The following NAV3 variants were observed in gnomAD, a reference collection of about 807,000 sequenced individuals.
NAV3 encodes the protein neuron navigator 3.
NAV3 carries 87 observed loss-of-function variants against 244.7 expected under a neutral mutation model. That is an observed-to-expected ratio of 0.36 (90% CI 0.30 to 0.42). The LOEUF (loss-of-function observed/expected upper bound fraction) is 0.42, where lower values mean the gene tolerates loss of function less well. NAV3 is among the 20% of genes least tolerant of loss of function. NAV3 has a pLI of 1.00. For synonymous variants in NAV3, 1,126 were observed against 1,042.2 expected (o/e 1.08, Z -1.55); for missense variants, 2,663 against 2,893.3 (o/e 0.92, Z 1.83).
chr12:77,916,480 G>T (rs1887158938), intron 1 of NAV3, among the ~76,000 whole-genome samples: 2 of 151,888 alleles, frequency 1.3e-5, no homozygotes, highest in Non-Finnish European at 2.9e-5. Context: ...ACAGAGGAAA[G>T]GCTATTAGGC....
chr12:77,970,105 G>A (rs1045890547), intron 5 of NAV3, among the ~76,000 whole-genome samples: 8 of 152,072 alleles, frequency 5.3e-5, no homozygotes, highest in African/African-American at 1.7e-4. Context: ...CAATGACTGG[G>A]GTATTGGTTA....
chr12:77,836,769 A>G (rs1408364646), intron 1 of NAV3, among the ~76,000 whole-genome samples: 1 of 152,238 alleles, frequency 6.6e-6, no homozygotes, highest in African/African-American at 2.4e-5. Flanking sequence ...AAATAAAAGT[A>G]TAGACAAATT....
intron 23 of NAV3, among the ~76,000 whole-genome samples, chr12:78,160,284 A>G (rs1957472831): frequency 6.6e-6 from 1 of 152,052 alleles, no homozygotes; most frequent in African/African-American, 2.4e-5. Context: ...CTTTCCTGTG[A>G]TGACCAGTTA....
intron 18 of NAV3, among the ~76,000 whole-genome samples, chr12:78,135,057 G>A (rs1234361082): frequency 6.6e-6 from 1 of 152,134 alleles, no homozygotes; most frequent in Non-Finnish European, 1.5e-5. Context: ...GGTAGTGATT[G>A]GGTTATTTGC....
In NAV3 at chr12:77,831,211, GAGAGAGAA is replaced by G. The variant is rs1565834942; in HGVS notation, c.-243_-236del. 3 of 248,056 alleles carry G rather than the reference GAGAGAGAA, an allele frequency of 1.2e-5. No individual in the cohort carries two copies. The highest frequency in any genetic ancestry group is 1.8e-4 in the East Asian group (2 of 10,992). 15.4% of individuals were successfully genotyped at this position (248,056 alleles called of 1,614,324 possible). ...AGAGAGAGACAGAGAGAGAGAGAGA[GAGAGAGAA>G]AGAGAGAGAGAGAGAGAATGAGAAT... On this transcript the variant is annotated 5_prime_UTR_variant, in exon 1 of 40. Coordinates refer to ENST00000397909, the MANE Select transcript of NAV3 (RefSeq NM_001024383.2).
intron 2 of NAV3, among the ~76,000 whole-genome samples, chr12:77,757,476 G>A (rs190618661): frequency 1.3e-5 from 2 of 152,052 alleles, no homozygotes; most frequent in Non-Finnish European, 2.9e-5. Flanking sequence ...AACATATATT[G>A]AGTATATATT....
chr12:77,906,364 C>T (rs1885974546), intron 1 of NAV3, among the ~76,000 whole-genome samples: 1 of 152,012 alleles, frequency 6.6e-6, no homozygotes, highest in Non-Finnish European at 1.5e-5. Flanking sequence ...GCCAGCAGAT[C>T]GCCCTTAGGA....
intron 16 of NAV3, among the ~76,000 whole-genome samples, chr12:78,123,809 C>T (rs1036624623): frequency 6.6e-6 from 1 of 152,168 alleles, no homozygotes; most frequent in African/African-American, 2.4e-5. Context: ...CTATTATAGA[C>T]AGCATACGTA....
intron 2 of NAV3, among the ~76,000 whole-genome samples, chr12:77,747,507 A>G (rs1454920411): frequency 5.3e-5 from 8 of 152,202 alleles, no homozygotes; most frequent in Non-Finnish European, 1.2e-4. Flanking sequence ...TAGAAATACC[A>G]TTTGACCCAG....
chr12:77,968,798 C>T (rs17044634), intron 5 of NAV3, 96 bp downstream of exon 5: 81,764 of 1,180,352 alleles, frequency 0.069, 3,640 homozygotes, highest in East Asian at 0.18. Context: ...AAAACGTACT[C>T]ATGTGCTTGT....
At chr12:78,123,476 C>T (rs1955768216) in intron 16 of NAV3, among the ~76,000 whole-genome samples, 1 of 152,038 alleles carries the variant, frequency 6.6e-6, no homozygotes, top group Non-Finnish European at 1.5e-5. Flanking sequence ...CTGCATTACG[C>T]CAGTTTCCCT....
intron 5 of NAV3, among the ~76,000 whole-genome samples, chr12:77,977,710 G>GCACACA (rs1232771315): frequency 2.3e-5 from 2 of 86,116 alleles, no homozygotes; most frequent in African/African-American, 7.2e-5. Context: ...ACACACACAC[G>GCACACA]CGCACACACA....
intron 2 of NAV3, among the ~76,000 whole-genome samples, chr12:77,672,889 T>G (rs1482438995): frequency 6.6e-6 from 1 of 152,148 alleles, no homozygotes; most frequent in African/African-American, 2.4e-5. Context: ...TTTAAAACTA[T>G]ATGACTATTT....
At position 77,836,263 on chromosome 12, in the gene NAV3, G is replaced by A. The variant is rs568972787; in HGVS notation, c.243+4559G>A. On this transcript the variant is annotated intron_variant, in intron 1 of 39. Coordinates refer to ENST00000397909, the MANE Select transcript of NAV3 (RefSeq NM_001024383.2). The stretch of plus-strand genomic sequence containing the variant: ...ACATCCCTGTTCATGAAAGTTTCTT[G>A]GCCATACTTACTGTGGAGCACTTCC... Among the ~76,000 whole-genome samples, 4 of 152,230 alleles carry A rather than the reference G, an allele frequency of 2.6e-5. No homozygotes were observed. In the East Asian group the frequency reaches 5.8e-4, roughly 22 times the overall value.
At chr12:77,851,514 G>T (rs1201992544) in intron 1 of NAV3, among the ~76,000 whole-genome samples, 1 of 146,462 alleles carries the variant, frequency 6.8e-6, no homozygotes, top group African/African-American at 2.5e-5. Flanking sequence ...AGACTATTTT[G>T]TCACAATGAA....
chr12:77,959,973 C>G (rs1177527554), intron 3 of NAV3, among the ~76,000 whole-genome samples: 1 of 142,198 alleles, frequency 7.0e-6, no homozygotes, highest in African/African-American at 2.6e-5. Flanking sequence ...ATATAGCAGG[C>G]CAAATGCTAT....
At chr12:77,668,815 T>C (rs1353992707) in intron 2 of NAV3, among the ~76,000 whole-genome samples, 1 of 152,090 alleles carries the variant, frequency 6.6e-6, no homozygotes, top group Admixed American at 6.6e-5. Context: ...GGAAATTCAT[T>C]ACAAAAAGAT....
chr12:77,875,205 G>A (rs1477890170), intron 1 of NAV3, among the ~76,000 whole-genome samples: 1 of 151,960 alleles, frequency 6.6e-6, no homozygotes, highest in African/African-American at 2.4e-5. Context: ...TGTTTAAATT[G>A]TTATTCTAGA....
chr12:77,823,769 G>A (rs1872845224), intron 2 of NAV3, among the ~76,000 whole-genome samples: 1 of 151,936 alleles, frequency 6.6e-6, no homozygotes. Context: ...ATCCAGGAGG[G>A]AAAAAAATCC....
Sources: gnomAD v4.1 joint callset for allele counts (sites outside exome capture counted in the v4.1 genomes callset) on GRCh38, gnomAD v4.1.1 for gene constraint, MANE v1.5 for transcripts, NCBI Gene and HGNC (gene_info 2026-07-23, HGNC 2026-07-21) for gene names.